The following WDPCP variants were observed in gnomAD, a reference collection of about 807,000 sequenced individuals.
WDPCP encodes the protein WD repeat-containing and planar cell polarity effector protein fritz homolog.
In WDPCP, 71 loss-of-function variants were observed where a neutral mutation model predicts 93.1. The ratio of observed to expected loss-of-function variants is 0.76; its 90% CI spans 0.63 to 0.93. The LOEUF (loss-of-function observed/expected upper bound fraction) is 0.93, where lower values mean the gene tolerates loss of function less well. Among genes scored for constraint, WDPCP ranks in the 40% least tolerant of loss-of-function variants. The pLI is 0.00. For missense variants in WDPCP, 844 were observed against 887.4 expected (o/e 0.95, Z 0.62); for synonymous variants, 315 against 315.0 (o/e 1.00, Z 0.00).
intron 3 of WDPCP, among the ~76,000 whole-genome samples, chr2:63,631,967 T>C (rs1467459630): frequency 6.6e-6 from 1 of 152,182 alleles, no homozygotes; most frequent in Non-Finnish European, 1.5e-5. Flanking sequence ...TGAACAGTCA[T>C]TGCTGCCACA....
chr2:63,704,317 C>A (rs1669111725), intron 2 of WDPCP, among the ~76,000 whole-genome samples: 1 of 152,122 alleles, frequency 6.6e-6, no homozygotes, highest in African/African-American at 2.4e-5. Context: ...ATTGCCCTGG[C>A]CAGAACTTCC....
intron 13 of WDPCP, among the ~76,000 whole-genome samples, chr2:63,297,520 G>T (rs1684963749): frequency 6.6e-6 from 1 of 152,074 alleles, no homozygotes; most frequent in African/African-American, 2.4e-5. Context: ...CCTACAGTCA[G>T]GTATGTGGAG....
intron 2 of WDPCP, among the ~76,000 whole-genome samples, chr2:63,699,367 A>G (rs940833359): frequency 2.0e-5 from 3 of 152,250 alleles, no homozygotes; most frequent in Admixed American, 2.0e-4. Flanking sequence ...TCACAATTTT[A>G]GCTGTCCACT....
chr2:63,839,491 G>C, the WDPCP span, among the ~76,000 whole-genome samples: 1 of 152,250 alleles, frequency 6.6e-6, no homozygotes, highest in Non-Finnish European at 1.5e-5. Context: ...CCGGGAGGCG[G>C]AGGTTGCAGT....
At chr2:63,593,070 A>G (rs1295974061), upstream of WDPCP, 1 of 153,012 alleles carries the variant, frequency 6.5e-6, no homozygotes, top group African/African-American at 2.4e-5. Context: ...TCTCTACACC[A>G]GTTGACACTT....
At chr2:63,759,633 G>T (rs1001269949) in intron 2 of WDPCP, among the ~76,000 whole-genome samples, 2 of 152,202 alleles carry the variant, frequency 1.3e-5, no homozygotes, top group African/African-American at 4.8e-5. Flanking sequence ...TGTGAATGGA[G>T]ATTTCAAGCA....
At chr2:63,665,746 A>G (rs1264050798) in intron 2 of WDPCP, among the ~76,000 whole-genome samples, 3 of 152,250 alleles carry the variant, frequency 2.0e-5, no homozygotes, top group African/African-American at 4.8e-5. Context: ...GCTGGTACAC[A>G]TATATTATAG....
chr2:63,126,413 A>T (rs1177574347), intron 17 of WDPCP, among the ~76,000 whole-genome samples: 1 of 152,256 alleles, frequency 6.6e-6, no homozygotes, highest in African/African-American at 2.4e-5. Flanking sequence ...ACTAAATTAA[A>T]CATAACCATT....
chr2:63,241,094 CAAAG>C (rs1245877525), intron 14 of WDPCP, among the ~76,000 whole-genome samples: 21 of 152,104 alleles, frequency 1.4e-4, no homozygotes, highest in Non-Finnish European at 1.5e-5. Flanking sequence ...TATGTCACCA[CAAAG>C]AAAGGAACAA....
intron 1 of WDPCP, among the ~76,000 whole-genome samples, chr2:63,540,607 C>A (rs1386672420): frequency 6.6e-6 from 1 of 152,128 alleles, no homozygotes; most frequent in Non-Finnish European, 1.5e-5. Flanking sequence ...TGTTTATAAA[C>A]GTGTCTCTGT....
At chr2:63,531,656 AAAG>A (rs1448634304) in intron 1 of WDPCP, among the ~76,000 whole-genome samples, 1 of 152,194 alleles carries the variant, frequency 6.6e-6, no homozygotes, top group African/African-American at 2.4e-5. Flanking sequence ...AGCAAGCAGA[AAAG>A]AATAACATCA....
intron 2 of WDPCP, among the ~76,000 whole-genome samples, chr2:63,806,873 T>G (rs897607487): frequency 6.6e-6 from 1 of 152,228 alleles, no homozygotes; most frequent in African/African-American, 2.4e-5. Flanking sequence ...TATTCTTTTT[T>G]CAAGGTGCCC....
chr2:63,700,250 T>G (rs1191397163), intron 2 of WDPCP, among the ~76,000 whole-genome samples: 1 of 123,770 alleles, frequency 8.1e-6, no homozygotes, highest in East Asian at 2.2e-4. Flanking sequence ...GCCACTGTAC[T>G]GCAGCCTGGG....
chr2:63,475,117 A>G (rs1477709716), intron 6 of WDPCP, among the ~76,000 whole-genome samples: 1 of 152,102 alleles, frequency 6.6e-6, no homozygotes, highest in Non-Finnish European at 1.5e-5. Flanking sequence ...ACACAGTATT[A>G]TTTATTTGTT....
At chr2:63,182,601 T>G (rs537510616) in intron 14 of WDPCP, among the ~76,000 whole-genome samples, 17 of 152,090 alleles carry the variant, frequency 1.1e-4, no homozygotes, top group Admixed American at 9.8e-4. Flanking sequence ...GTCTATAGTT[T>G]TCATTTTTTG....
chr2:63,433,202 C>G (rs17027873), intron 9 of WDPCP, among the ~76,000 whole-genome samples: 2,454 of 152,242 alleles, frequency 0.016, 75 homozygotes, highest in African/African-American at 0.056. Flanking sequence ...AATATCCTTG[C>G]GCCAAATGCG....
At chr2:63,583,294 A>G (rs1254615244) in intron 1 of WDPCP, among the ~76,000 whole-genome samples, 1 of 152,256 alleles carries the variant, frequency 6.6e-6, no homozygotes, top group African/African-American at 2.4e-5. Context: ...AAAAATTTCA[A>G]TTCATCAAAA....
In WDPCP at chr2:63,381,962, C is replaced by T; in HGVS notation, c.1568G>A (p.Ser523Asn). The T allele has an allele frequency of 6.2e-7, 1 of 1,613,534 alleles. No homozygotes were observed. Among genetic ancestry groups the T allele is most frequent in the African/African-American group, 1.3e-5 (1 of 75,006 alleles). The change falls in exon 11 of 18, where the codon AGC becomes AAC. Residue 523 changes from serine (S) to asparagine (N), a missense_variant. Transcript: ENST00000272321. ...WDTLGHQCFISMSAIVNHLLR... is the reference protein window; with the variant it reads ...WDTLGHQCFINMSAIVNHLLR... ...AAGATGGTTTACAATGGCGCTCATG[C>T]TGATAAAGCACTGGTGGCCCAGAGT...
At chr2:63,349,442 TA>T (rs1689425138) in intron 12 of WDPCP, among the ~76,000 whole-genome samples, 2 of 152,172 alleles carry the variant, frequency 1.3e-5, no homozygotes, top group Non-Finnish European at 2.9e-5. Flanking sequence ...TGTATCAAAT[TA>T]ACCACTACTC....
Sources: allele counts gnomAD v4.1 joint callset (sites outside exome capture counted in the v4.1 genomes callset), GRCh38; gene constraint gnomAD v4.1.1; transcripts MANE v1.5; gene names NCBI Gene and HGNC (gene_info 2026-07-23, HGNC 2026-07-21).